The following DNAH5 variants were observed in gnomAD, a reference collection of about 807,000 sequenced individuals.
The protein encoded by DNAH5 is axonemal beta dynein heavy chain 5.
Under a neutral mutation model 518.2 loss-of-function variants are expected in DNAH5, and 372 were observed. The ratio of observed to expected loss-of-function variants is 0.72; its 90% CI spans 0.66 to 0.78. DNAH5 has a LOEUF of 0.78. Among genes scored for constraint, DNAH5 ranks in the 30% least tolerant of loss-of-function variants. The probability of loss-of-function intolerance (pLI) is 0.00; values close to 1 mark genes in which losing one functional copy is unlikely to be tolerated. For synonymous variants in DNAH5, 2,039 were observed against 2,025.9 expected (o/e 1.01, Z -0.17); for missense variants, 5,523 against 5,687.0 (o/e 0.97, Z 0.93).
rs1746207527 is a variant in DNAH5 at position 13,729,509 on chromosome 5, A to T, written c.11813T>A (p.Ile3938Asn). 6.2e-7 allele frequency: 1 copy of T among 1,613,882 alleles called. No individual in the cohort carries two copies. Among genetic ancestry groups the T allele is most frequent in the African/African-American group, 1.3e-5 (1 of 74,944 alleles). ...KACPPKPSKW[I>N]LDITWLNLVE... Reference sequence around the variant, plus strand: ...CAAATTCAGCCATGTTATGTCCAGGATCCATTTTGATGGTTTTGGAGGACA... The same window carrying T: ...CAAATTCAGCCATGTTATGTCCAGGTTCCATTTTGATGGTTTTGGAGGACA... Residue 3938 changes from isoleucine (I) to asparagine (N), a missense_variant, in exon 69 of 79, where the codon ATC (isoleucine) becomes AAC (asparagine). Ile to Asn is a moderately radical substitution (Grantham distance 149). Coordinates refer to ENST00000265104, the MANE Select transcript of DNAH5 (RefSeq NM_001369.3).
At chr5:13,751,317 T>A in intron 64 of DNAH5, 57 bp from the exon 65 acceptor site, 1 of 1,427,452 alleles carries the variant, frequency 7.0e-7, no homozygotes. Context: ...TTACTGTGTC[T>A]TTTTTGTATC....
chr5:13,966,426 C>A (rs183432289), intron 1 of DNAH5, among the ~76,000 whole-genome samples: 7 of 152,156 alleles, frequency 4.6e-5, no homozygotes, highest in Non-Finnish European at 1.0e-4. Context: ...TAGTTCCTTA[C>A]GGAATCTTCA....
At chr5:13,757,606 A>G (rs1751182976) in intron 61 of DNAH5, among the ~76,000 whole-genome samples, 1 of 152,246 alleles carries the variant, frequency 6.6e-6, no homozygotes, top group Non-Finnish European at 1.5e-5. Flanking sequence ...CAGAGTGAAG[A>G]GACAACCTCT....
In DNAH5 at chr5:13,914,608, T is replaced by C. The variant is rs374339264; in HGVS notation, c.1232A>G (p.Tyr411Cys). 1.4e-5 allele frequency: 22 copies of C among 1,613,118 alleles called. No homozygotes were observed. Among genetic ancestry groups the C allele is most frequent in the African/African-American group, 1.3e-4 (10 of 74,904 alleles). ...TNQIISACKA[Y>C]ITNNGTASIW... ...GGAAGCGGTTCCATTATTGGTAATATAGGCTTTACATGCAGATATAATCTG... is the reference window on the plus strand; with the variant it reads ...GGAAGCGGTTCCATTATTGGTAATACAGGCTTTACATGCAGATATAATCTG... Residue 411 changes from tyrosine to cysteine, a missense_variant, in exon 10 of 79, where the codon TAT (tyrosine) becomes TGT (cysteine). Physicochemically the swap from Tyr to Cys is radical, Grantham distance 194. This residue lies in a region of DNAH5 where 5,121 missense variants were observed against 5,223.3 expected (regional missense o/e 0.98). Transcript: ENST00000265104.
intron 1 of DNAH5, among the ~76,000 whole-genome samples, chr5:13,999,805 T>A (rs1204516590): frequency 2.6e-5 from 4 of 152,234 alleles, no homozygotes; most frequent in African/African-American, 4.8e-5. Flanking sequence ...TCTGCATTTC[T>A]ACCAACAGCA....
At chr5:13,795,198 A>G (rs548507979) in intron 47 of DNAH5, among the ~76,000 whole-genome samples, 6 of 152,208 alleles carry the variant, frequency 3.9e-5, no homozygotes, top group Non-Finnish European at 7.3e-5. Context: ...AATAACTAAG[A>G]TCAGAGCACA....
At chr5:13,909,108 T>C (rs183729121) in intron 12 of DNAH5, among the ~76,000 whole-genome samples, 2 of 152,200 alleles carry the variant, frequency 1.3e-5, no homozygotes, top group Admixed American at 1.3e-4. Flanking sequence ...AGATGGATAA[T>C]AGTGTTGACT....
At chr5:13,721,339 C>A (rs1245474140) in intron 70 of DNAH5, 94 bp from the exon 71 acceptor site, 1 of 1,474,774 alleles carries the variant, frequency 6.8e-7, no homozygotes, top group South Asian at 1.1e-5. Flanking sequence ...TTGTAATTAT[C>A]TCAGTGATGT....
intron 65 of DNAH5, among the ~76,000 whole-genome samples, chr5:13,742,520 T>C (rs1023576741): frequency 6.6e-6 from 1 of 152,144 alleles, no homozygotes; most frequent in Non-Finnish European, 1.5e-5. Flanking sequence ...TTGAGAACTA[T>C]GAATTGGGGT....
chr5:13,929,536 G>T (rs1778215593), intron 2 of DNAH5, among the ~76,000 whole-genome samples: 1 of 152,130 alleles, frequency 6.6e-6, no homozygotes, highest in Admixed American at 6.5e-5. Flanking sequence ...ATAAAATCTA[G>T]CCTGAACAAT....
In DNAH5 at chr5:13,777,310, A is replaced by T; in HGVS notation, c.8997T>A (p.Tyr2999Ter). 6.2e-7 allele frequency: 1 copy of T among 1,613,514 alleles called. No homozygotes were observed. The highest frequency in any genetic ancestry group is 1.1e-5 in the South Asian group (1 of 91,064). ...SNLMEDLKVL[Y>*]RTAGQQGKGI... is the part of the protein sequence containing the mutation. The stretch of plus-strand genomic sequence containing the variant: ...CTTTGCCTTGCTGACCAGCTGTTCG[A>T]TACAAAACCTTCAGATCTTCCATCA... The change falls in exon 54 of 79, where the codon TAT becomes TAA. Residue 2999 changes from tyrosine to a stop codon, truncating the protein, a stop_gained. Transcript: ENST00000265104. LOFTEE classifies it high-confidence loss of function.
At chr5:13,872,464 T>C (rs1283220709) in intron 22 of DNAH5, among the ~76,000 whole-genome samples, 1 of 152,234 alleles carries the variant, frequency 6.6e-6, no homozygotes, top group Non-Finnish European at 1.5e-5. Flanking sequence ...ATAATCTTCA[T>C]AGAGACCCCA....
chr5:13,974,479 A>G (rs1297625789), intron 1 of DNAH5, among the ~76,000 whole-genome samples: 1 of 152,178 alleles, frequency 6.6e-6, no homozygotes, highest in East Asian at 1.9e-4. Context: ...GACAACACAT[A>G]TTCATTAATA....
intron 17 of DNAH5, among the ~76,000 whole-genome samples, chr5:13,888,338 C>T (rs1772712566): frequency 6.6e-6 from 1 of 152,136 alleles, no homozygotes; most frequent in South Asian, 2.1e-4. Context: ...AACATGCTTC[C>T]ACCTCAGGGC....
rs145063583 is a variant in DNAH5, at chr5:13,929,806, C to G, written c.192+1304G>C. 3.8e-3 allele frequency among the ~76,000 whole-genome samples: 578 copies of G among 152,276 alleles called. 6 individuals carry two copies. The highest frequency in any genetic ancestry group is 0.013 in the African/African-American group (547 of 41,564). On this transcript the variant is annotated intron_variant, in intron 2 of 78. Transcript: ENST00000265104. ...AGTTTAACCTGGTATCCCTACAGAGCTGAACTTTTGCCTGCTTCTTCCCCT... is the reference window on the plus strand; with the variant it reads ...AGTTTAACCTGGTATCCCTACAGAGGTGAACTTTTGCCTGCTTCTTCCCCT...
At chr5:13,976,032 A>G (rs1396713229) in intron 1 of DNAH5, among the ~76,000 whole-genome samples, 4 of 152,200 alleles carry the variant, frequency 2.6e-5, no homozygotes, top group African/African-American at 4.8e-5. Context: ...CTGCATCTAA[A>G]AAAATTTTTT....
At chr5:13,864,255 G>T (rs1288461773) in intron 28 of DNAH5, 142 bp downstream of exon 28, 1 of 1,080,162 alleles carries the variant, frequency 9.3e-7, no homozygotes. Context: ...ATAAGCATTT[G>T]TTGAAGGAAC....
At chr5:13,933,514 G>T (rs961143680) in intron 1 of DNAH5, among the ~76,000 whole-genome samples, 1 of 152,144 alleles carries the variant, frequency 6.6e-6, no homozygotes. Context: ...GGATGAGGTT[G>T]GGCACAGTGG....
intron 65 of DNAH5, among the ~76,000 whole-genome samples, chr5:13,750,577 T>C (rs1049874553): frequency 6.6e-6 from 1 of 152,158 alleles, no homozygotes; most frequent in Non-Finnish European, 1.5e-5. Context: ...TCAGATCCCA[T>C]CAGGACATAC....
Sources: gnomAD v4.1 joint callset for allele counts (sites outside exome capture counted in the v4.1 genomes callset) on GRCh38, gnomAD v4.1.1 for gene constraint, gnomAD v4.1.1 regional missense constraint, MANE v1.5 for transcripts, NCBI Gene and HGNC (gene_info 2026-07-23, HGNC 2026-07-21) for gene names.